USP14: variants seen among roughly 807,000 people sequenced by gnomAD.
USP14 encodes ubiquitin specific peptidase 14.
Under a neutral mutation model 76.5 loss-of-function variants are expected in USP14, and 38 were observed. That is an observed-to-expected ratio of 0.50 (90% confidence interval 0.38 to 0.65). The LOEUF is 0.65. Ranked by LOEUF, USP14 falls within the 30% of genes least tolerant of loss-of-function variation. USP14 has a pLI of 0.00. For missense variants in USP14, 467 were observed against 586.5 expected (o/e 0.80, Z 2.10); for synonymous variants, 192 against 191.7 (o/e 1.00, Z -0.01).
At chr18:184,759 C>T (rs1322746699) in intron 5 of USP14, among the ~76,000 whole-genome samples, 1 of 151,864 alleles carries the variant, frequency 6.6e-6, no homozygotes, top group Non-Finnish European at 1.5e-5. Flanking sequence ...TAGAGTGAGG[C>T]CCTGTCTCAA....
chr18:194,722 G>A (rs1910183624), intron 6 of USP14, among the ~76,000 whole-genome samples: 1 of 152,196 alleles, frequency 6.6e-6, no homozygotes, highest in South Asian at 2.1e-4. Flanking sequence ...CTTAAGGCCA[G>A]GGGTTTGAGA....
rs370896806 is a variant in USP14 at position 173,675 on chromosome 18, G to A, written c.196-5258G>A. Among the ~76,000 whole-genome samples the A allele has an allele frequency of 6.6e-5, 10 of 152,144 alleles. No homozygotes were observed. In the East Asian group the frequency reaches 1.5e-3, roughly 24 times the overall value. On this transcript the variant is annotated intron_variant, in intron 3 of 15. Transcript: ENST00000261601. ...TGACCTCAGGTGATCCGCCCACCTC[G>A]GCCTCCCAAAGTGCTGGGATTACAG...
chr18:173,267 C>T lies in USP14; in HGVS notation c.196-5666C>T, dbSNP rs192454196. On this transcript the variant is annotated intron_variant, in intron 3 of 15. Coordinates refer to ENST00000261601, the MANE Select transcript of USP14 (RefSeq NM_005151.4). The stretch of plus-strand genomic sequence containing the variant: ...GGACTACAGGTGCCTGCCACCACAC[C>T]CGGCTATTTTTTTTGTATTTTTTTT... 4.8e-3 allele frequency among the ~76,000 whole-genome samples: 730 copies of T among 151,872 alleles called. 6 individuals are homozygous for T. The highest frequency in any genetic ancestry group is 0.031 in the Middle Eastern group (9 of 292).
At chr18:196,489 A>G in intron 6 of USP14, 148 bp from the exon 7 acceptor site, 1 of 761,074 alleles carries the variant, frequency 1.3e-6, no homozygotes, top group Non-Finnish European at 1.9e-6. Flanking sequence ...GCGCCACTGC[A>G]CTCCAGCCTG....
intron 5 of USP14, among the ~76,000 whole-genome samples, chr18:190,094 A>G (rs867693980): frequency 6.6e-6 from 1 of 152,168 alleles, no homozygotes; most frequent in South Asian, 2.1e-4. Flanking sequence ...TGTTTAGTGT[A>G]TCCATGTTCT....
At chr18:167,558 C>G (rs1909309377) in intron 3 of USP14, among the ~76,000 whole-genome samples, 1 of 151,902 alleles carries the variant, frequency 6.6e-6, no homozygotes, top group African/African-American at 2.4e-5. Flanking sequence ...TATGCCGGAG[C>G]ACAGTGGCAT....
chr18:168,491 G>C (rs1339263104), intron 3 of USP14, among the ~76,000 whole-genome samples: 1 of 152,064 alleles, frequency 6.6e-6, no homozygotes. Flanking sequence ...CTGGAGTGTG[G>C]TGGTGTGATC....
Position 202,965 on chromosome 18 carries a change from C to G in USP14, c.942+20C>G. On this transcript the variant is annotated intron_variant, in intron 11 of 15. Transcript: ENST00000261601. ...AAATCTGTAAGTTATGCAGTCCTTT[C>G]GAAGCCAAATTCCGCTTCACTGAAA... 2 of 1,613,012 alleles carry G rather than the reference C, an allele frequency of 1.2e-6. No individual in the cohort carries two copies.
chr18:166,382 G>A (rs1909270663), intron 2 of USP14, among the ~76,000 whole-genome samples: 1 of 152,098 alleles, frequency 6.6e-6, no homozygotes, highest in South Asian at 2.1e-4. Context: ...GCCCAGGCTG[G>A]AGTGCAGTGG....
At chr18:205,952 C>T (rs1910518103) in intron 13 of USP14, among the ~76,000 whole-genome samples, 1 of 152,178 alleles carries the variant, frequency 6.6e-6, no homozygotes, top group African/African-American at 2.4e-5. Context: ...TCTGCTTCAC[C>T]ATTCACCTAT....
chr18:163,899 T>G (rs1482810148), intron 2 of USP14, among the ~76,000 whole-genome samples: 1 of 151,928 alleles, frequency 6.6e-6, no homozygotes, highest in African/African-American at 2.4e-5. Context: ...CCTGTCTATG[T>G]GTCTATGTGT....
At chr18:189,749 G>A (rs767855350) in intron 5 of USP14, among the ~76,000 whole-genome samples, 12 of 152,136 alleles carry the variant, frequency 7.9e-5, no homozygotes, top group Non-Finnish European at 1.6e-4. Context: ...CCAAGTGCTG[G>A]GATTACAGGC....
chr18:194,941 CT>C (rs1362870270), intron 6 of USP14, among the ~76,000 whole-genome samples: 3 of 151,786 alleles, frequency 2.0e-5, no homozygotes, highest in Non-Finnish European at 4.4e-5. Context: ...AAAAAACAAA[CT>C]TTTTTTTAGA....
chr18:204,511 A>G (rs1910472403), intron 12 of USP14, 53 bp from the exon 13 acceptor site: 2 of 1,378,662 alleles, frequency 1.5e-6, no homozygotes, highest in Admixed American at 2.8e-5. Context: ...GATACTTTAA[A>G]TAAATATCTT....
At chr18:180,583 C>T (rs1219286191) in intron 5 of USP14, among the ~76,000 whole-genome samples, 1 of 152,184 alleles carries the variant, frequency 6.6e-6, no homozygotes, top group African/African-American at 2.4e-5. Flanking sequence ...ACTCCTTTAA[C>T]CCCTTCACCC....
rs1403628179 is a variant in USP14, at chr18:210,379, T to A, written c.1226-7T>A. 1 of 1,578,046 alleles carries A rather than the reference T, an allele frequency of 6.3e-7. No homozygotes were observed. On this transcript the variant is annotated splice_region_variant and splice_polypyrimidine_tract_variant and intron_variant, in intron 14 of 15. Coordinates refer to ENST00000261601, the MANE Select transcript of USP14 (RefSeq NM_005151.4). Reference sequence around the variant, plus strand: ...TCTAATATTAATGGATTTACATCTTTCTTTAGATATTGGCTCCAATAATTG... The same window carrying A: ...TCTAATATTAATGGATTTACATCTTACTTTAGATATTGGCTCCAATAATTG...
chr18:170,417 G>A (rs935710651), intron 3 of USP14, among the ~76,000 whole-genome samples: 5 of 152,230 alleles, frequency 3.3e-5, no homozygotes, highest in African/African-American at 1.2e-4. Flanking sequence ...AAATGATTAA[G>A]CTTAGTAAAG....
chr18:189,259 G>A (rs1301251592), intron 5 of USP14, among the ~76,000 whole-genome samples: 2 of 151,840 alleles, frequency 1.3e-5, no homozygotes, highest in East Asian at 1.9e-4. Flanking sequence ...ACTTTTGTTT[G>A]TATTAATTTT....
At position 212,228 on chromosome 18, in the gene USP14, T is replaced by C. The variant is rs548199793; in HGVS notation, c.*944T>C. On this transcript the variant is annotated 3_prime_UTR_variant, in exon 16 of 16. Coordinates refer to ENST00000261601, the MANE Select transcript of USP14 (RefSeq NM_005151.4). The stretch of plus-strand genomic sequence containing the variant: ...AAGAAATACAAAGTTGTAAAAGTAA[T>C]GGATTTCTTTGGATGCTGAATGCAG... 1 of 152,342 alleles carries C rather than the reference T, an allele frequency of 6.6e-6. No homozygotes were observed. Among genetic ancestry groups the C allele is most frequent in the Non-Finnish European group, 1.5e-5 (1 of 68,030 alleles). The allele number at this position is 152,342 out of a possible 1,614,324, so 9.4% of individuals were successfully genotyped here.
Sources: gnomAD v4.1 joint callset for allele counts (sites outside exome capture counted in the v4.1 genomes callset) on GRCh38, gnomAD v4.1.1 for gene constraint, MANE v1.5 for transcripts, NCBI Gene and HGNC (gene_info 2026-07-23, HGNC 2026-07-21) for gene names.